AP3B1: variants seen among roughly 807,000 people sequenced by gnomAD.
AP3B1 encodes the protein AP-3 complex subunit beta-1.
In AP3B1, 61 loss-of-function variants were observed where a neutral mutation model predicts 132.5. The observed-to-expected ratio is 0.46, with a 90% CI of 0.37 to 0.57. AP3B1 has a LOEUF of 0.57. AP3B1 is among the 20% of genes least tolerant of loss of function. The pLI, the probability that AP3B1 is intolerant of heterozygous loss-of-function variation, is 0.00. For missense variants in AP3B1, 1,120 were observed against 1,289.4 expected, an observed-to-expected ratio of 0.87 and a Z score of 2.01; for synonymous variants, 388 against 438.3, an observed-to-expected ratio of 0.89 and a Z score of 1.43.
chr5:78,028,069 T>C (rs930296852), intron 24 of AP3B1, among the ~76,000 whole-genome samples: 1 of 152,000 alleles, frequency 6.6e-6, no homozygotes, highest in African/African-American at 2.4e-5. Context: ...GAGGTTGCAG[T>C]GAGCCAAGAT....
chr5:78,214,018 C>T (rs1221769662), intron 7 of AP3B1, among the ~76,000 whole-genome samples: 5 of 152,228 alleles, frequency 3.3e-5, no homozygotes, highest in Non-Finnish European at 5.9e-5. Context: ...CTGCTTGGCT[C>T]GTTCCTGTGG....
intron 1 of AP3B1, among the ~76,000 whole-genome samples, chr5:78,280,465 T>C (rs1019312205): frequency 6.6e-6 from 1 of 152,214 alleles, no homozygotes; most frequent in African/African-American, 2.4e-5. Flanking sequence ...CTCACTGCTA[T>C]TGGCATGCCA....
intron 2 of AP3B1, among the ~76,000 whole-genome samples, chr5:78,262,289 T>A (rs1331055906): frequency 1.3e-5 from 2 of 152,194 alleles, no homozygotes; most frequent in African/African-American, 4.8e-5. Context: ...TATCTAAGAA[T>A]CCTATGCCAA....
intron 22 of AP3B1, among the ~76,000 whole-genome samples, chr5:78,068,790 A>G (rs1000345612): frequency 1.4e-5 from 2 of 140,382 alleles, no homozygotes; most frequent in Non-Finnish European, 3.1e-5. Flanking sequence ...CCTGTCAGAG[A>G]TAACAACAAA....
intron 22 of AP3B1, among the ~76,000 whole-genome samples, chr5:78,039,694 C>T (rs1416467752): frequency 6.7e-6 from 1 of 149,620 alleles, no homozygotes; most frequent in South Asian, 2.1e-4. Flanking sequence ...AGGAGAATGG[C>T]GTGAACCCAG....
intron 17 of AP3B1, chr5:78,121,776 G>C (rs1490305361): frequency 1.3e-5 from 2 of 152,186 alleles, no homozygotes; most frequent in African/African-American, 4.8e-5. Context: ...ACAAGGAGGA[G>C]CTGGTACCAT....
At chr5:78,181,394 TAAAC>T in intron 8 of AP3B1, 109 bp downstream of exon 8, 4 of 1,001,890 alleles carry the variant, frequency 4.0e-6, no homozygotes, top group Non-Finnish European at 6.1e-6. Context: ...ATTTGGTGTG[TAAAC>T]AAACAAATGC....
intron 3 of AP3B1, among the ~76,000 whole-genome samples, chr5:78,229,897 C>T (rs1580517507): frequency 6.6e-6 from 1 of 152,308 alleles, no homozygotes; most frequent in East Asian, 1.9e-4. Flanking sequence ...ATCTGGACTA[C>T]TTTAGAGACA....
intron 22 of AP3B1, among the ~76,000 whole-genome samples, chr5:78,055,185 T>C (rs1421393950): frequency 6.6e-6 from 1 of 152,248 alleles, no homozygotes; most frequent in Non-Finnish European, 1.5e-5. Flanking sequence ...CAAAGGCACC[T>C]GGCTGCATGG....
chr5:78,143,482 A>G (rs1159887308), intron 14 of AP3B1, among the ~76,000 whole-genome samples: 1 of 152,172 alleles, frequency 6.6e-6, no homozygotes, highest in Non-Finnish European at 1.5e-5. Context: ...TAATATCAAT[A>G]TAAATATACC....
At chr5:78,206,404 T>C (rs532202994) in intron 7 of AP3B1, among the ~76,000 whole-genome samples, 1 of 152,190 alleles carries the variant, frequency 6.6e-6, no homozygotes, top group African/African-American at 2.4e-5. Flanking sequence ...AGTATATATC[T>C]TAACAGATGA....
chr5:78,230,702 G>A (rs1746610042), intron 3 of AP3B1, among the ~76,000 whole-genome samples: 1 of 152,034 alleles, frequency 6.6e-6, no homozygotes, highest in African/African-American at 2.4e-5. Context: ...TCTTCCACAA[G>A]AGCAAAAATT....
intron 14 of AP3B1, among the ~76,000 whole-genome samples, chr5:78,145,257 A>G (rs1048050029): frequency 5.9e-5 from 9 of 152,258 alleles, no homozygotes; most frequent in Admixed American, 4.6e-4. Context: ...AACAAATTAC[A>G]TAGCTAATAT....
chr5:78,060,005 A>T (rs1748974919), intron 22 of AP3B1, among the ~76,000 whole-genome samples: 1 of 152,156 alleles, frequency 6.6e-6, no homozygotes, highest in South Asian at 2.1e-4. Flanking sequence ...AAACAAAAAC[A>T]TGAGGGGGTC....
chr5:78,039,611 T>TA (rs1232030867), intron 22 of AP3B1, among the ~76,000 whole-genome samples: 2 of 151,886 alleles, frequency 1.3e-5, no homozygotes, highest in Non-Finnish European at 2.9e-5. Context: ...CCGTCTCTAC[T>TA]AAACAAAATA....
At chr5:78,158,422 T>C (rs1052815255) in intron 13 of AP3B1, among the ~76,000 whole-genome samples, 1 of 151,874 alleles carries the variant, frequency 6.6e-6, no homozygotes, top group Non-Finnish European at 1.5e-5. Context: ...CACAACACTA[T>C]ACTCCAGCCT....
intron 22 of AP3B1, among the ~76,000 whole-genome samples, chr5:78,074,483 GAACA>G (rs1241737752): frequency 6.6e-6 from 1 of 152,068 alleles, no homozygotes; most frequent in Non-Finnish European, 1.5e-5. Flanking sequence ...ATTTTCATCA[GAACA>G]AATAAAGGAT....
intron 13 of AP3B1, among the ~76,000 whole-genome samples, chr5:78,158,297 A>G (rs1269013090): frequency 1.3e-5 from 2 of 152,062 alleles, no homozygotes; most frequent in East Asian, 3.9e-4. Context: ...GGTCTACAAA[A>G]AATCCAAAAA....
chr5:78,264,799 A>T (rs545240803), intron 2 of AP3B1, among the ~76,000 whole-genome samples: 17 of 152,332 alleles, frequency 1.1e-4, no homozygotes, highest in African/African-American at 3.8e-4. Context: ...ATACCACCTG[A>T]CTCAGCTAAT....
Sources: allele counts gnomAD v4.1 joint callset (sites outside exome capture counted in the v4.1 genomes callset), GRCh38; gene constraint gnomAD v4.1.1; transcripts MANE v1.5; gene names NCBI Gene and HGNC (gene_info 2026-07-23, HGNC 2026-07-21).